The following SUSD5 variants were observed in gnomAD, a reference collection of about 807,000 sequenced individuals.
The protein encoded by SUSD5 is sushi domain-containing protein 5.
In SUSD5, 33 loss-of-function variants were observed where a neutral mutation model predicts 29.5. That is an observed-to-expected ratio of 1.12 (90% CI 0.85 to 1.49). The LOEUF (loss-of-function observed/expected upper bound fraction) is 1.49, where lower values mean the gene tolerates loss of function less well. Ranked by LOEUF, SUSD5 falls within the 40% of genes most tolerant of loss-of-function variation. The pLI, the probability that SUSD5 is intolerant of heterozygous loss-of-function variation, is 0.00. For missense variants in SUSD5, 776 were observed against 800.6 expected (o/e 0.97, Z 0.37); for synonymous variants, 308 against 325.3 (o/e 0.95, Z 0.57).
rs1447566164 is a variant in SUSD5, at chr3:33,214,051, G to A, written c.167C>T (p.Ala56Val). The A allele has an allele frequency of 1.9e-6, 3 of 1,613,592 alleles. No individual in the cohort carries two copies. The highest frequency in any genetic ancestry group is 2.5e-6 in the Non-Finnish European group (3 of 1,179,740). ...CCTGCTCTTGCAGGAAAGCCGAGCA[G>A]CCTCCAGTTGTAGGCCCTGAGAGCC... ...QNGSQGLQLE[A>V]ARLSCKSRGA... The change falls in exon 2 of 5, where the codon GCT becomes GTT. Residue 56 changes from alanine (A) to valine (V), a missense_variant. Transcript: ENST00000309558.
At chr3:33,205,321 A>G (rs1243311144) in intron 3 of SUSD5, among the ~76,000 whole-genome samples, 1 of 152,186 alleles carries the variant, frequency 6.6e-6, no homozygotes, top group Non-Finnish European at 1.5e-5. Flanking sequence ...GTCTTTCTTA[A>G]TCTAGAACAG....
At position 33,152,919 on chromosome 3, in the gene SUSD5, G is replaced by C. The variant is rs544706646; in HGVS notation, c.1713C>G (p.Ser571Arg). Residue 571 changes from serine (S) to arginine (R), a missense_variant, in exon 5 of 5, where the codon AGC (serine) becomes AGG (arginine). Transcript: ENST00000309558. ...SCVGDGCPGL[S>R]RGPVIATIVT... ...CAATGGTGGCGATCACAGGGCCTCTGCTGAGGCCAGGACATCCGTCCCCCA... is the reference window on the plus strand; with the variant it reads ...CAATGGTGGCGATCACAGGGCCTCTCCTGAGGCCAGGACATCCGTCCCCCA... 1.9e-6 allele frequency: 3 copies of C among 1,614,024 alleles called. No individual in the cohort carries two copies. Among genetic ancestry groups the C allele is most frequent in the South Asian group, 1.1e-5 (1 of 91,086 alleles).
intron 2 of SUSD5, among the ~76,000 whole-genome samples, chr3:33,213,252 A>T (rs1313620503): frequency 6.6e-6 from 1 of 152,036 alleles, no homozygotes; most frequent in Non-Finnish European, 1.5e-5. Flanking sequence ...TCTATAAAAA[A>T]AAAATTAGCC....
chr3:33,193,751 A>C (rs1230197560), intron 3 of SUSD5, among the ~76,000 whole-genome samples: 3 of 152,202 alleles, frequency 2.0e-5, no homozygotes, highest in Non-Finnish European at 2.9e-5. Context: ...AATCTGATCT[A>C]ACCGACTCCA....
At chr3:33,183,403 GT>G (rs1372601580) in intron 3 of SUSD5, among the ~76,000 whole-genome samples, 2 of 151,762 alleles carry the variant, frequency 1.3e-5, no homozygotes, top group Middle Eastern at 3.4e-3. Flanking sequence ...AATTATACTT[GT>G]TTTTTTATTT....
intron 3 of SUSD5, among the ~76,000 whole-genome samples, chr3:33,186,513 G>A (rs1221139694): frequency 1.3e-5 from 2 of 149,554 alleles, no homozygotes; most frequent in African/African-American, 2.5e-5. Context: ...TGCAACCTCC[G>A]CCTCCCCGGT....
At position 33,153,180 on chromosome 3, in the gene SUSD5, G is replaced by A; in HGVS notation, c.1452C>T (p.Ala484=). 1 of 1,613,792 alleles carries A rather than the reference G, an allele frequency of 6.2e-7. No homozygotes were observed. Among genetic ancestry groups the A allele is most frequent in the Non-Finnish European group, 8.5e-7 (1 of 1,179,842 alleles). ...AGCTGGTGAGCTCATAGGACAGGGT[G>A]GCCATGGGAGATTCCTCTGTGATGA... The part of the protein sequence containing the change: ...WRFITEESPM[A]TLSYELTSST... The change falls in exon 5 of 5, where the codon GCC becomes GCT. Residue 484 remains alanine (A), a synonymous_variant. Coordinates refer to ENST00000309558, the MANE Select transcript of SUSD5 (RefSeq NM_015551.2).
At chr3:33,191,386 T>A (rs13068102) in intron 3 of SUSD5, among the ~76,000 whole-genome samples, 16,873 of 151,988 alleles carry the variant, frequency 0.11, 1,003 homozygotes, top group East Asian at 0.18. Flanking sequence ...CGCCTCGGCC[T>A]CCCAAAGTGC....
chr3:33,196,080 A>G (rs775034265), intron 3 of SUSD5, among the ~76,000 whole-genome samples: 38 of 152,206 alleles, frequency 2.5e-4, no homozygotes, highest in Non-Finnish European at 5.0e-4. Flanking sequence ...TCCATTTCCC[A>G]TATAAATGGT....
chr3:33,169,370 G>A (rs1575530860), intron 4 of SUSD5, among the ~76,000 whole-genome samples: 1 of 151,964 alleles, frequency 6.6e-6, no homozygotes, highest in Admixed American at 6.6e-5. Context: ...ACAGGCGCCC[G>A]CCACCACGCC....
intron 3 of SUSD5, among the ~76,000 whole-genome samples, chr3:33,201,016 G>C (rs1228747706): frequency 2.0e-5 from 3 of 152,132 alleles, no homozygotes; most frequent in African/African-American, 7.2e-5. Flanking sequence ...TAAAAAATTT[G>C]GAAAATTCTC....
Position 33,174,921 on chromosome 3 carries a change from C to G in SUSD5, c.563G>C (p.Gly188Ala), listed in dbSNP as rs748213933. Residue 188 changes from glycine to alanine, a missense_variant, in exon 4 of 5, where the codon GGG becomes GCG. Physicochemically the swap from Gly to Ala is moderately conservative, Grantham distance 60. Transcript: ENST00000309558. Reference sequence around the variant, plus strand: ...GGCCTGCACCAGGCCGTACCACTCCCCACAGCTGTTACATAGCAAGGTGAA... The same window carrying G: ...GGCCTGCACCAGGCCGTACCACTCCGCACAGCTGTTACATAGCAAGGTGAA... ...TAFTLLCNSC[G>A]EWYGLVQACG... 1 of 1,614,034 alleles carries G rather than the reference C, an allele frequency of 6.2e-7. No individual in the cohort carries two copies. The highest frequency in any genetic ancestry group is 1.1e-5 in the South Asian group (1 of 91,090).
intron 3 of SUSD5, among the ~76,000 whole-genome samples, chr3:33,179,677 T>A (rs145596085): frequency 3.1e-4 from 47 of 152,366 alleles, no homozygotes; most frequent in African/African-American, 1.1e-3. Context: ...ATTTTCAATA[T>A]TAGTAATTTG....
intron 3 of SUSD5, among the ~76,000 whole-genome samples, chr3:33,200,115 G>T (rs548700449): frequency 6.6e-6 from 1 of 152,298 alleles, no homozygotes; most frequent in African/African-American, 2.4e-5. Context: ...AAACTTCATT[G>T]AATGGGACTA....
At chr3:33,206,412 A>AGTGTGTGTGTGTGTGTGT (rs5847777) in intron 3 of SUSD5, among the ~76,000 whole-genome samples, 1 of 148,566 alleles carries the variant, frequency 6.7e-6, no homozygotes, top group Non-Finnish European at 1.5e-5. Context: ...AATTTACTTG[A>AGTGTGTGTGTGTGTGTGT]GTGTGTGTGT....
chr3:33,162,969 A>G (rs2031224237), intron 4 of SUSD5, among the ~76,000 whole-genome samples: 2 of 152,094 alleles, frequency 1.3e-5, no homozygotes, highest in Admixed American at 6.5e-5. Flanking sequence ...GATGAAATAG[A>G]AAAATTTCTA....
rs2125631110 is a variant in SUSD5 at position 33,204,239 on chromosome 3, A to T, written c.409+3569T>A. ...GCTATGTTGCCCAGGCTGGTCTCAA[A>T]CTTCTGGGCTCAAGTTATCCTCCAA... On this transcript the variant is annotated intron_variant, in intron 3 of 4. Coordinates refer to ENST00000309558, the MANE Select transcript of SUSD5 (RefSeq NM_015551.2). The surrounding 1 kb of genome is among the most constrained non-coding windows in gnomAD (Gnocchi z 4.5). 6.6e-6 allele frequency among the ~76,000 whole-genome samples: 1 copy of T among 152,188 alleles called. No individual in the cohort carries two copies.
intron 4 of SUSD5, among the ~76,000 whole-genome samples, chr3:33,160,747 A>G (rs1277919194): frequency 6.6e-6 from 1 of 152,188 alleles, no homozygotes; most frequent in Non-Finnish European, 1.5e-5. Context: ...GAACTAAAAA[A>G]TCAGTTAGAA....
At chr3:33,154,913 A>G (rs2031015634) in intron 4 of SUSD5, among the ~76,000 whole-genome samples, 1 of 152,248 alleles carries the variant, frequency 6.6e-6, no homozygotes, top group South Asian at 2.1e-4. Flanking sequence ...ACTGAATGTT[A>G]AAGTTTATGG....
Sources: gnomAD v4.1 joint callset for allele counts (sites outside exome capture counted in the v4.1 genomes callset) on GRCh38, gnomAD v4.1.1 for gene constraint, Gnocchi (gnomAD v3.1) non-coding constraint, MANE v1.5 for transcripts, NCBI Gene and HGNC (gene_info 2026-07-23, HGNC 2026-07-21) for gene names.